Variants in DISP2 observed in about 807,000 individuals in gnomAD.
The protein encoded by DISP2 is protein dispatched homolog 2.
A neutral mutation model predicts 95.5 loss-of-function variants in DISP2; 59 were observed. The ratio of observed to expected loss-of-function variants is 0.62; its 90% CI spans 0.50 to 0.77. DISP2 has a LOEUF of 0.77. Ranked by LOEUF, DISP2 falls within the 30% of genes least tolerant of loss-of-function variation. The pLI, the probability that DISP2 is intolerant of heterozygous loss-of-function variation, is 0.00. For synonymous variants in DISP2, 827 were observed against 815.0 expected (o/e 1.01, Z -0.25); for missense variants, 1,752 against 1,854.6 (o/e 0.94, Z 1.02).
At position 40,371,809 on chromosome 15, in the gene DISP2, A is replaced by C. The variant is rs1595731601; in HGVS notation, c.*1491A>C. On this transcript the variant is annotated 3_prime_UTR_variant, in exon 8 of 8. Coordinates refer to ENST00000267889, the MANE Select transcript of DISP2 (RefSeq NM_033510.3). ...TACAAGGGGACAGAGGTGTGGAAGAAAAATTGAACACCACCCTCAAAGAGC... is the reference window on the plus strand; with the variant it reads ...TACAAGGGGACAGAGGTGTGGAAGACAAATTGAACACCACCCTCAAAGAGC... 6.6e-6 allele frequency: 1 copy of C among 152,212 alleles called. No individual in the cohort carries two copies. Among genetic ancestry groups the C allele is most frequent in the East Asian group, 1.9e-4 (1 of 5,192 alleles). The allele number at this position is 152,212 out of a possible 1,614,324, so 9.4% of individuals were successfully genotyped here. A position where few individuals can be genotyped will look rare whatever the true frequency, so the allele number is the denominator to read the frequency against.
intron 7 of DISP2, among the ~76,000 whole-genome samples, chr15:40,366,290 T>C (rs1249700037): frequency 2.6e-5 from 4 of 152,264 alleles, no homozygotes; most frequent in Admixed American, 2.0e-4. Flanking sequence ...ACTTCAGCCA[T>C]GTTTCTTAAC....
At chr15:40,360,149 T>C (rs1438203385) in intron 1 of DISP2, among the ~76,000 whole-genome samples, 1 of 152,186 alleles carries the variant, frequency 6.6e-6, no homozygotes, top group African/African-American at 2.4e-5. Context: ...GCATCCCCAC[T>C]TTCCATCCCC....
chr15:40,367,998 A>C lies in DISP2; in HGVS notation c.1886A>C (p.His629Pro). The C allele has an allele frequency of 6.5e-7, 1 of 1,541,596 alleles. No homozygotes were observed. Among genetic ancestry groups the C allele is most frequent in the Non-Finnish European group, 8.7e-7 (1 of 1,150,192 alleles). ...TTCATGGGCACGGCTGTGCTGGTGC[A>C]CCTGGCGCTCACGCTGGTCTGGCTG... ...ALFMGTAVLV[H>P]LALTLVWLPA... Residue 629 changes from histidine to proline, a missense_variant, in exon 8 of 8, where the codon CAC becomes CCC. Around this residue, in one of 5 missense-constraint regions of DISP2, gnomAD observed 732 missense variants for 714.6 expected, o/e 1.02. Coordinates refer to ENST00000267889, the MANE Select transcript of DISP2 (RefSeq NM_033510.3).
At position 40,367,090 on chromosome 15, in the gene DISP2, C is replaced by G. The variant is rs919022822; in HGVS notation, c.978C>G (p.Cys326Trp). ...IRSHTSFGAL[C>W]QRTAANQCCP... ...CCCATACCAGCTTCGGGGCTCTGTG[C>G]CAGCGGACAGCAGCCAACCAGTGCT... Residue 326 changes from cysteine (C) to tryptophan (W), a missense_variant, in exon 8 of 8, where the codon TGC becomes TGG. By Grantham distance (215) the Cys-to-Trp change is radical. This residue lies in a region of DISP2 where 732 missense variants were observed against 714.6 expected (regional missense o/e 1.02). Coordinates refer to ENST00000267889, the MANE Select transcript of DISP2 (RefSeq NM_033510.3). The G allele has an allele frequency of 6.2e-7, 1 of 1,612,452 alleles. No individual in the cohort carries two copies. The highest frequency in any genetic ancestry group is 1.1e-5 in the South Asian group (1 of 91,080).
chr15:40,368,459 A>C lies in DISP2; in HGVS notation c.2347A>C (p.Thr783Pro). 6.2e-7 allele frequency: 1 copy of C among 1,609,504 alleles called. No homozygotes were observed. Among genetic ancestry groups the C allele is most frequent in the African/African-American group, 1.3e-5 (1 of 75,044 alleles). ...GGTGTGGGGCGTCCTGCCTGTGGAC[A>C]CTGGCGACCCTCTGGACCCTCGTAG... The part of the protein sequence containing the change: ...VLVWGVLPVD[T>P]GDPLDPRSNS... The change falls in exon 8 of 8, where the codon ACT becomes CCT. Residue 783 changes from threonine to proline, a missense_variant. This residue lies in a region of DISP2 where 732 missense variants were observed against 714.6 expected (regional missense o/e 1.02). Transcript: ENST00000267889.
rs756332387 is a variant in DISP2, at chr15:40,369,408, G to T, written c.3296G>T (p.Ser1099Ile). 6 of 1,613,664 alleles carry T rather than the reference G, an allele frequency of 3.7e-6. No homozygotes were observed. In the South Asian group the frequency reaches 5.5e-5, roughly 15 times the overall value. ...GIILMMVKCV[S>I]CGFASFFFQS... ...ATCCTCATGATGGTCAAATGCGTCA[G>T]TTGTGGCTTTGCCAGCTTCTTCTTC... Residue 1099 changes from serine (S) to isoleucine (I), a missense_variant, in exon 8 of 8, where the codon AGT becomes ATT. Physicochemically the swap from Ser to Ile is moderately radical, Grantham distance 142. Transcript: ENST00000267889.
chr15:40,365,302 T>C, intron 6 of DISP2, 28 bp downstream of exon 6: 1 of 1,611,210 alleles, frequency 6.2e-7, no homozygotes, highest in Non-Finnish European at 8.5e-7. Flanking sequence ...CAGTTCCTGG[T>C]TTTAATAGTG....
At chr15:40,362,318 G>T (rs952027994) in intron 1 of DISP2, among the ~76,000 whole-genome samples, 5 of 152,200 alleles carry the variant, frequency 3.3e-5, no homozygotes, top group Non-Finnish European at 7.3e-5. Context: ...AGCTCCCTCA[G>T]CCCTCTGTGA....
rs1395342697 is a variant in DISP2 at position 40,376,718 on chromosome 15, T to G, written c.*6400T>G. On this transcript the variant is annotated 3_prime_UTR_variant, in exon 8 of 8. Transcript: ENST00000267889. ...TACTCCAGAGGCTGAAGCAAGAGGA[T>G]CACTTGAACTCTGGAGTTCGAGGTT... is the stretch of plus-strand genomic sequence containing the variant. The G allele has an allele frequency of 6.6e-6, 1 of 152,056 alleles. No individual in the cohort carries two copies. The highest frequency in any genetic ancestry group is 2.4e-5 in the African/African-American group (1 of 41,380). 9.4% of individuals were successfully genotyped at this position (152,056 alleles called of 1,614,324 possible).
chr15:40,369,254 C>G lies in DISP2; in HGVS notation c.3142C>G (p.Arg1048Gly). The change falls in exon 8 of 8, where the codon CGC (arginine) becomes GGC (glycine). Residue 1048 changes from arginine (R) to glycine (G), a missense_variant. Around this residue, in one of 5 missense-constraint regions of DISP2, gnomAD observed 317 missense variants for 394.9 expected, o/e 0.80. Coordinates refer to ENST00000267889, the MANE Select transcript of DISP2 (RefSeq NM_033510.3). ...CTATCACCTGTGCCCACACCCTGAC[C>G]GCCTGAGCCGTGTGGCCTTCTCTCT... ...ISYHLCPHPDRLSRVAFSLRQ... is the reference protein window; with the variant it reads ...ISYHLCPHPDGLSRVAFSLRQ... The G allele has an allele frequency of 6.2e-7, 1 of 1,613,830 alleles. No individual in the cohort carries two copies. The highest frequency in any genetic ancestry group is 8.5e-7 in the Non-Finnish European group (1 of 1,180,032).
chr15:40,360,088 C>A (rs189869570), intron 1 of DISP2, among the ~76,000 whole-genome samples: 2 of 152,280 alleles, frequency 1.3e-5, no homozygotes, highest in African/African-American at 2.4e-5. Context: ...TGTCTAGGAG[C>A]CTGTCAGCCA....
At position 40,373,426 on chromosome 15, in the gene DISP2, G is replaced by A. The variant is rs11630119; in HGVS notation, c.*3108G>A. ...TGCTATTAAAATATAACTTGAGGCC[G>A]GACATGATGGCTCATGCCTGTAATC... On this transcript the variant is annotated 3_prime_UTR_variant, in exon 8 of 8. Transcript: ENST00000267889. 26,230 of 152,160 alleles carry A rather than the reference G, an allele frequency of 0.17. 2,515 individuals are homozygous for A. Among genetic ancestry groups the A allele is most frequent in the Non-Finnish European group, 0.22 (14,667 of 68,000 alleles). The allele number at this position is 152,160 out of a possible 1,614,324, so 9.4% of individuals were successfully genotyped here. A position where few individuals can be genotyped will look rare whatever the true frequency, so the allele number is the denominator to read the frequency against.
intron 1 of DISP2, among the ~76,000 whole-genome samples, chr15:40,360,702 G>A (rs776318612): frequency 2.6e-5 from 4 of 152,162 alleles, no homozygotes; most frequent in Non-Finnish European, 5.9e-5. Context: ...CCTCTGGAAT[G>A]CTGGCTTCCC....
rs2412513 is a variant in DISP2, at chr15:40,378,541, T to C, written c.*8223T>C. On this transcript the variant is annotated 3_prime_UTR_variant, in exon 8 of 8. Coordinates refer to ENST00000267889, the MANE Select transcript of DISP2 (RefSeq NM_033510.3). The stretch of plus-strand genomic sequence containing the variant: ...TTAAAATTGTACTGAAACAAAACCA[T>C]TGGGGGAAACTGGGTAAAGAGTCCA... 17,814 of 152,114 alleles carry C rather than the reference T, an allele frequency of 0.12. 2,060 individuals carry two copies. The highest frequency in any genetic ancestry group is 0.58 in the East Asian group (3,003 of 5,170). 9.4% of individuals were successfully genotyped at this position (152,114 alleles called of 1,614,324 possible).
rs1011005831 is a variant in DISP2, at chr15:40,374,133, T to G, written c.*3815T>G. 4.0e-5 allele frequency: 6 copies of G among 151,244 alleles called. No homozygotes were observed. Among genetic ancestry groups the G allele is most frequent in the African/African-American group, 1.5e-4 (6 of 41,078 alleles). The allele number at this position is 151,244 out of a possible 1,614,324, so 9.4% of individuals were successfully genotyped here. On this transcript the variant is annotated 3_prime_UTR_variant, in exon 8 of 8. Coordinates refer to ENST00000267889, the MANE Select transcript of DISP2 (RefSeq NM_033510.3). ...ACAGTGTTAGACAGACTGATTTTAT[T>G]GGCTGAATCTTAGATTTTACTGATA...
intron 1 of DISP2, among the ~76,000 whole-genome samples, chr15:40,360,301 T>C (rs1451518137): frequency 6.6e-6 from 1 of 152,184 alleles, no homozygotes; most frequent in Non-Finnish European, 1.5e-5. Flanking sequence ...TAACTCCTAT[T>C]TTACTGAGCC....
rs759792631 is a variant in DISP2 at position 40,367,588 on chromosome 15, C to T, written c.1476C>T (p.Pro492=). ...TCCTGGTCCAGGACACGGTGTACCCCTTGCTGGCTCTGGTTGCCATCTTCT... is the reference window on the plus strand; with the variant it reads ...TCCTGGTCCAGGACACGGTGTACCCTTTGCTGGCTCTGGTTGCCATCTTCT... ...RHFLVQDTVY[P]LLALVAIFFG... Residue 492 remains proline, a synonymous_variant, in exon 8 of 8, where the codon CCC becomes CCT. Coordinates refer to ENST00000267889, the MANE Select transcript of DISP2 (RefSeq NM_033510.3). 6.2e-7 allele frequency: 1 copy of T among 1,614,020 alleles called. No individual in the cohort carries two copies. The highest frequency in any genetic ancestry group is 8.5e-7 in the Non-Finnish European group (1 of 1,180,008).
At chr15:40,363,163 T>A (rs1394033596) in intron 1 of DISP2, among the ~76,000 whole-genome samples, 5 of 137,374 alleles carry the variant, frequency 3.6e-5, no homozygotes, top group African/African-American at 1.4e-4. Flanking sequence ...AAAAAAAAAA[T>A]TAGCGAGTCG....
Position 40,368,310 on chromosome 15 carries a change from C to T in DISP2, c.2198C>T (p.Pro733Leu), listed in dbSNP as rs778913392. Residue 733 changes from proline (P) to leucine (L), a missense_variant, in exon 8 of 8, where the codon CCG becomes CTG. This residue lies in a region of DISP2 where 732 missense variants were observed against 714.6 expected (regional missense o/e 1.02). Transcript: ENST00000267889. ...CCCCGCCTGCGGCTGCCCACGCTGC[C>T]GCCGCCCGGCGGCCAGGTCTTCCGG... ...VSPRLRLPTLPPPGGQVFRPS... is the reference protein window; with the variant it reads ...VSPRLRLPTLLPPGGQVFRPS... The T allele has an allele frequency of 1.9e-6, 3 of 1,604,172 alleles. No individual in the cohort carries two copies. The highest frequency in any genetic ancestry group is 2.2e-5 in the South Asian group (2 of 90,758).
Sources: allele counts gnomAD v4.1 joint callset (sites outside exome capture counted in the v4.1 genomes callset), GRCh38; gene constraint gnomAD v4.1.1; regional missense constraint gnomAD v4.1.1; transcripts MANE v1.5; gene names NCBI Gene and HGNC (gene_info 2026-07-23, HGNC 2026-07-21).